The following MAST4 variants were observed in gnomAD, a reference collection of about 807,000 sequenced individuals.
MAST4 encodes microtubule associated serine/threonine kinase family member 4, also known as microtubule-associated serine/threonine-protein kinase 4.
MAST4 carries 89 observed loss-of-function variants against 162.7 expected under a neutral mutation model. The ratio of observed to expected loss-of-function variants is 0.55; its 90% CI spans 0.46 to 0.65. MAST4 has a LOEUF of 0.65. MAST4 is among the 30% of genes least tolerant of loss of function. The pLI is 0.00. For missense variants in MAST4, 3,153 were observed against 3,374.0 expected (o/e 0.93, Z 1.62); for synonymous variants, 1,479 against 1,361.1 (o/e 1.09, Z -1.91).
chr5:67,030,577 G>C (rs950105634), intron 4 of MAST4, among the ~76,000 whole-genome samples: 1 of 152,156 alleles, frequency 6.6e-6, no homozygotes, highest in African/African-American at 2.4e-5. Context: ...AGAGTCCTAA[G>C]GGGTGATATT....
intron 6 of MAST4, chr5:67,094,166 G>A (rs749363622): frequency 7.3e-6 from 11 of 1,497,654 alleles, no homozygotes; most frequent in African/African-American, 4.1e-5. Context: ...GAAATGACAG[G>A]TAAATTTTAC....
intron 1 of MAST4, among the ~76,000 whole-genome samples, chr5:66,746,982 T>G (rs1199247397): frequency 1.3e-5 from 2 of 152,122 alleles, no homozygotes; most frequent in African/African-American, 4.8e-5. Flanking sequence ...ATCTTTAGAC[T>G]GTTGACTTTA....
At chr5:67,041,130 T>A (rs1756688043) in intron 4 of MAST4, among the ~76,000 whole-genome samples, 1 of 152,226 alleles carries the variant, frequency 6.6e-6, no homozygotes, top group Non-Finnish European at 1.5e-5. Flanking sequence ...GAAGGTTGTC[T>A]GGGGACCATG....
intron 14 of MAST4, among the ~76,000 whole-genome samples, chr5:67,127,641 T>C (rs1042527573): frequency 5.9e-5 from 9 of 152,140 alleles, no homozygotes; most frequent in African/African-American, 1.9e-4. Context: ...TATCTTCTAT[T>C]TGAGGGATGG....
intron 5 of MAST4, among the ~76,000 whole-genome samples, chr5:67,085,476 G>T (rs941688586): frequency 6.6e-6 from 1 of 152,136 alleles, no homozygotes; most frequent in Non-Finnish European, 1.5e-5. Flanking sequence ...ATATTTGTTG[G>T]CTCAATCAGT....
intron 4 of MAST4, among the ~76,000 whole-genome samples, chr5:66,980,399 G>A (rs1457598771): frequency 6.6e-6 from 1 of 152,218 alleles, no homozygotes; most frequent in Non-Finnish European, 1.5e-5. Context: ...ATACTTTTAT[G>A]TGGCACTTGA....
intron 1 of MAST4, among the ~76,000 whole-genome samples, chr5:66,603,554 A>C (rs927653480): frequency 5.9e-5 from 9 of 152,244 alleles, no homozygotes; most frequent in African/African-American, 2.2e-4. Context: ...AGATGGTGCA[A>C]GGCAGATGGT....
intron 1 of MAST4, among the ~76,000 whole-genome samples, chr5:66,704,088 A>G (rs1272792704): frequency 6.6e-6 from 1 of 152,182 alleles, no homozygotes; most frequent in African/African-American, 2.4e-5. Context: ...CCAGAGTTTT[A>G]TGATTAAGAA....
At chr5:66,794,317 T>A (rs986183805) in intron 3 of MAST4, among the ~76,000 whole-genome samples, 1 of 152,206 alleles carries the variant, frequency 6.6e-6, no homozygotes, top group Non-Finnish European at 1.5e-5. Context: ...GGGCTGACTG[T>A]GTAGACTTCA....
At chr5:67,078,824 TTA>T (rs1762063189) in intron 5 of MAST4, among the ~76,000 whole-genome samples, 1 of 118,214 alleles carries the variant, frequency 8.5e-6, no homozygotes, top group African/African-American at 3.6e-5. Context: ...ATTTTTATAT[TTA>T]TATTTATATA....
chr5:66,607,848 TTGAC>T (rs1742990359), intron 1 of MAST4, among the ~76,000 whole-genome samples: 3 of 152,212 alleles, frequency 2.0e-5, no homozygotes, highest in Admixed American at 2.0e-4. Flanking sequence ...GAACTGTTGA[TTGAC>T]ATTTTCTTTT....
At chr5:66,901,854 T>C (rs1763030832) in intron 4 of MAST4, among the ~76,000 whole-genome samples, 1 of 152,174 alleles carries the variant, frequency 6.6e-6, no homozygotes, top group Non-Finnish European at 1.5e-5. Context: ...TCAGCATTTT[T>C]AGTGAATACT....
rs1359039766 is a variant in MAST4 at position 67,142,472 on chromosome 5, A to G, written c.2669A>G (p.Asn890Ser). ...HMETEEEDDT[N>S]DEDFNVEIRQ... ...GAAACGGAGGAAGAAGATGACACAA[A>G]TGATGAAGACTTTAATGTGGAAATA... The change falls in exon 21 of 29, where the codon AAT (asparagine) becomes AGT (serine). Residue 890 changes from asparagine to serine, a missense_variant. Asn to Ser is a conservative substitution (Grantham distance 46). This residue lies in a region of MAST4 where 619 missense variants were observed against 744.2 expected (regional missense o/e 0.83). Coordinates refer to ENST00000403625, the MANE Select transcript of MAST4 (RefSeq NM_001164664.2). 1 of 1,600,696 alleles carries G rather than the reference A, an allele frequency of 6.2e-7. No homozygotes were observed. The highest frequency in any genetic ancestry group is 1.3e-5 in the African/African-American group (1 of 74,768).
At chr5:66,901,750 A>C (rs461819) in intron 4 of MAST4, among the ~76,000 whole-genome samples, 81,480 of 151,748 alleles carry the variant, frequency 0.54, 22,276 homozygotes, top group Middle Eastern at 0.61. Context: ...GGTAAACCAA[A>C]AATAAACATG....
chr5:66,754,982 C>G (rs543545429), intron 1 of MAST4, among the ~76,000 whole-genome samples: 258 of 152,178 alleles, frequency 1.7e-3, no homozygotes, highest in African/African-American at 5.9e-3. Context: ...TGGCAAGAGA[C>G]CAAGGTGGAT....
chr5:67,048,167 C>G (rs963581668), intron 4 of MAST4, among the ~76,000 whole-genome samples: 1 of 151,976 alleles, frequency 6.6e-6, no homozygotes. Flanking sequence ...CTTTTTCAAT[C>G]AAATGCACAG....
chr5:67,082,321 G>A (rs938130968), intron 5 of MAST4, among the ~76,000 whole-genome samples: 12 of 151,972 alleles, frequency 7.9e-5, no homozygotes, highest in African/African-American at 2.9e-4. Flanking sequence ...GCTAATTTTT[G>A]TTGGGGTTTC....
At chr5:67,102,246 A>C (rs1019763498) in intron 8 of MAST4, among the ~76,000 whole-genome samples, 1 of 152,154 alleles carries the variant, frequency 6.6e-6, no homozygotes, top group Non-Finnish European at 1.5e-5. Context: ...TGCAGAATAT[A>C]ATTTCAATTT....
chr5:66,854,256 C>G (rs1322161760), intron 3 of MAST4, among the ~76,000 whole-genome samples: 2 of 152,182 alleles, frequency 1.3e-5, no homozygotes, highest in African/African-American at 2.4e-5. Flanking sequence ...GTATCAGACA[C>G]TCTTTGCCTA....
Sources: gnomAD v4.1 joint callset for allele counts (sites outside exome capture counted in the v4.1 genomes callset) on GRCh38, gnomAD v4.1.1 for gene constraint, gnomAD v4.1.1 regional missense constraint, MANE v1.5 for transcripts, NCBI Gene and HGNC (gene_info 2026-07-23, HGNC 2026-07-21) for gene names.